The following NWD2 variants were observed in gnomAD, a reference collection of about 807,000 sequenced individuals.
The protein encoded by NWD2 is NACHT and WD repeat domain-containing protein 2.
Under a neutral mutation model 132.7 loss-of-function variants are expected in NWD2, and 37 were observed. That is an observed-to-expected ratio of 0.28 (90% CI 0.21 to 0.37). The LOEUF is 0.37. Among genes scored for constraint, NWD2 ranks in the 10% least tolerant of loss-of-function variants. The pLI is 1.00. For missense variants in NWD2, 1,592 were observed against 2,122.4 expected, an observed-to-expected ratio of 0.75 and a Z score of 4.91; for synonymous variants, 705 against 803.0, an observed-to-expected ratio of 0.88 and a Z score of 2.06.
chr4:37,292,180 C>T (rs1718377286), intron 1 of NWD2, among the ~76,000 whole-genome samples: 1 of 152,118 alleles, frequency 6.6e-6, no homozygotes, highest in East Asian at 1.9e-4. Flanking sequence ...TTCCTAGGCG[C>T]TCCAAAGATC....
intron 3 of NWD2, among the ~76,000 whole-genome samples, chr4:37,400,885 T>C (rs1018450219): frequency 2.6e-5 from 4 of 152,222 alleles, no homozygotes; most frequent in African/African-American, 9.6e-5. Context: ...AATAAAGGAA[T>C]ACCTTTCAAC....
At chr4:37,382,936 C>T (rs1212903545) in intron 3 of NWD2, among the ~76,000 whole-genome samples, 1 of 151,932 alleles carries the variant, frequency 6.6e-6, no homozygotes, top group African/African-American at 2.4e-5. Context: ...TCAGGCAATC[C>T]ACCCACCTTG....
chr4:37,280,672 T>C (rs1174352618), intron 1 of NWD2, among the ~76,000 whole-genome samples: 2 of 151,778 alleles, frequency 1.3e-5, no homozygotes, highest in Admixed American at 6.6e-5. Context: ...CTCTAGAGGG[T>C]TTAAGAAAGG....
intron 1 of NWD2, among the ~76,000 whole-genome samples, chr4:37,268,405 C>T (rs577304027): frequency 6.6e-5 from 10 of 151,966 alleles, no homozygotes; most frequent in Admixed American, 3.9e-4. Flanking sequence ...AGATCTTTTA[C>T]GTTATTCCTT....
At chr4:37,293,571 CA>C (rs1421080740) in intron 1 of NWD2, among the ~76,000 whole-genome samples, 1 of 152,038 alleles carries the variant, frequency 6.6e-6, no homozygotes, top group African/African-American at 2.4e-5. Context: ...TATATGTTGC[CA>C]AAATAGTTTA....
intron 3 of NWD2, among the ~76,000 whole-genome samples, chr4:37,360,856 G>A (rs1719968635): frequency 6.6e-6 from 1 of 152,092 alleles, no homozygotes; most frequent in African/African-American, 2.4e-5. Context: ...CTCCAAATGT[G>A]GAGTACCCAA....
intron 1 of NWD2, among the ~76,000 whole-genome samples, chr4:37,295,036 G>A (rs542703787): frequency 4.6e-5 from 7 of 152,294 alleles, no homozygotes; most frequent in South Asian, 2.1e-4. Flanking sequence ...CAGGGGAATC[G>A]TCGATTATGT....
At chr4:37,339,349 C>A (rs181077251) in intron 2 of NWD2, among the ~76,000 whole-genome samples, 42 of 152,338 alleles carry the variant, frequency 2.8e-4, no homozygotes, top group African/African-American at 9.4e-4. Context: ...CTGGAATTCT[C>A]ATGCCAGACT....
chr4:37,251,074 T>A (rs1272759578), intron 1 of NWD2, among the ~76,000 whole-genome samples: 1 of 152,182 alleles, frequency 6.6e-6, no homozygotes, highest in East Asian at 1.9e-4. Context: ...AGGTCAGGAA[T>A]TCGAGACCAG....
intron 2 of NWD2, among the ~76,000 whole-genome samples, chr4:37,337,043 G>C (rs1374039011): frequency 6.6e-6 from 1 of 151,126 alleles, no homozygotes; most frequent in Non-Finnish European, 1.5e-5. Context: ...TGTGTTAATA[G>C]GGGGTATATA....
chr4:37,302,509 A>G (rs1718630291), intron 1 of NWD2, among the ~76,000 whole-genome samples: 1 of 151,970 alleles, frequency 6.6e-6, no homozygotes, highest in Non-Finnish European at 1.5e-5. Flanking sequence ...TGTTAGTTCT[A>G]TTTTCAGTTT....
At chr4:37,429,673 G>C (rs955937519) in intron 3 of NWD2, among the ~76,000 whole-genome samples, 1 of 152,092 alleles carries the variant, frequency 6.6e-6, no homozygotes, top group Non-Finnish European at 1.5e-5. Flanking sequence ...ACATATACTT[G>C]TAAACATCTT....
At chr4:37,329,257 G>A (rs1227460332) in intron 2 of NWD2, among the ~76,000 whole-genome samples, 1 of 152,162 alleles carries the variant, frequency 6.6e-6, no homozygotes, top group Non-Finnish European at 1.5e-5. Context: ...TGGAAATAAA[G>A]GAGCAAACCA....
intron 3 of NWD2, among the ~76,000 whole-genome samples, chr4:37,418,631 CAAA>C (rs35289113): frequency 2.2e-4 from 32 of 142,476 alleles, no homozygotes; most frequent in African/African-American, 7.5e-4. Context: ...ATCTTTCTCC[CAAA>C]AAAAAAAATA....
intron 3 of NWD2, among the ~76,000 whole-genome samples, chr4:37,425,216 A>G (rs959691122): frequency 4.6e-5 from 7 of 152,230 alleles, no homozygotes. Flanking sequence ...GACATTTACT[A>G]CATTTACAGT....
chr4:37,319,660 G>A (rs1023725601), intron 1 of NWD2, among the ~76,000 whole-genome samples: 2 of 152,154 alleles, frequency 1.3e-5, no homozygotes, highest in African/African-American at 4.8e-5. Context: ...TATAGTGAAA[G>A]ATAGGGGTAC....
chr4:37,319,948 G>A, intron 1 of NWD2, among the ~76,000 whole-genome samples: 1 of 152,036 alleles, frequency 6.6e-6, no homozygotes, highest in South Asian at 2.1e-4. Flanking sequence ...GGATTGCTTT[G>A]GCCATTCAGT....
chr4:37,253,966 G>T (rs559665717), intron 1 of NWD2, among the ~76,000 whole-genome samples: 25 of 152,032 alleles, frequency 1.6e-4, no homozygotes, highest in African/African-American at 5.6e-4. Flanking sequence ...ACCAAATACC[G>T]CATGTTCTAA....
chr4:37,318,399 G>T (rs142976204), intron 1 of NWD2, among the ~76,000 whole-genome samples: 203 of 152,126 alleles, frequency 1.3e-3, no homozygotes, highest in African/African-American at 3.8e-3. Context: ...GTCTACAGTG[G>T]ATACAAACAA....
Sources: allele counts gnomAD v4.1 joint callset (sites outside exome capture counted in the v4.1 genomes callset), GRCh38; gene constraint gnomAD v4.1.1; transcripts MANE v1.5; gene names NCBI Gene and HGNC (gene_info 2026-07-23, HGNC 2026-07-21).